SDK1: variants seen among roughly 807,000 people sequenced by gnomAD.
SDK1 encodes the protein protein sidekick-1.
Under a neutral mutation model 245.5 loss-of-function variants are expected in SDK1, and 157 were observed. The ratio of observed to expected loss-of-function variants is 0.64; its 90% CI spans 0.56 to 0.73. The LOEUF is 0.73. SDK1 is among the 30% of genes least tolerant of loss of function. SDK1 has a pLI of 0.00. For synonymous variants in SDK1, 1,647 were observed against 1,278.5 expected, an observed-to-expected ratio of 1.29 and a Z score of -6.15; for missense variants, 3,583 against 3,002.3, an observed-to-expected ratio of 1.19 and a Z score of -4.52.
intron 1 of SDK1, among the ~76,000 whole-genome samples, chr7:3,459,935 T>C (rs935349422): frequency 1.3e-5 from 2 of 152,224 alleles, no homozygotes; most frequent in African/African-American, 2.4e-5. Flanking sequence ...CTTTTAATTT[T>C]AAGAAACTTG....
At position 3,791,767 on chromosome 7, in the gene SDK1, A is replaced by T. The variant is rs182356652; in HGVS notation, c.714-29683A>T. ...GTTCGGAGAGTGCTCTATGGATGCCATTCTTTTCTGGGTCTTTTGGCCAGT... is the reference window on the plus strand; with the variant it reads ...GTTCGGAGAGTGCTCTATGGATGCCTTTCTTTTCTGGGTCTTTTGGCCAGT... On this transcript the variant is annotated intron_variant, in intron 4 of 44. Transcript: ENST00000404826. Among the ~76,000 whole-genome samples the T allele has an allele frequency of 9.5e-4, 144 of 152,218 alleles. 1 individual carries two copies. Among genetic ancestry groups the T allele is most frequent in the African/African-American group, 3.2e-3 (134 of 41,536 alleles).
At chr7:3,785,846 C>G (rs1381253831) in intron 4 of SDK1, among the ~76,000 whole-genome samples, 1 of 152,104 alleles carries the variant, frequency 6.6e-6, no homozygotes, top group African/African-American at 2.4e-5. Context: ...TGCTGTCAGT[C>G]ACATCATCAT....
intron 1 of SDK1, among the ~76,000 whole-genome samples, chr7:3,582,390 T>C (rs542573534): frequency 1.4e-5 from 2 of 145,474 alleles, no homozygotes; most frequent in South Asian, 4.5e-4. Context: ...CTCAGGTAGG[T>C]CTCCCTCAGG....
chr7:3,673,905 A>G (rs1783803418), intron 4 of SDK1, among the ~76,000 whole-genome samples: 1 of 152,234 alleles, frequency 6.6e-6, no homozygotes, highest in Admixed American at 6.5e-5. Flanking sequence ...AGTATTCTTA[A>G]ATATAAACCC....
At chr7:4,080,845 C>G (rs1485598567) in intron 22 of SDK1, among the ~76,000 whole-genome samples, 2 of 151,816 alleles carry the variant, frequency 1.3e-5, no homozygotes, top group African/African-American at 2.4e-5. Flanking sequence ...TACCCTAAAA[C>G]TTAAAGTATA....
intron 1 of SDK1, among the ~76,000 whole-genome samples, chr7:3,607,383 G>A (rs1781456732): frequency 6.6e-6 from 1 of 152,136 alleles, no homozygotes; most frequent in African/African-American, 2.4e-5. Context: ...AGAAATATGT[G>A]CGTTAGTAAA....
intron 20 of SDK1, among the ~76,000 whole-genome samples, chr7:4,070,242 C>G (rs1780162653): frequency 6.6e-6 from 1 of 152,220 alleles, no homozygotes; most frequent in African/African-American, 2.4e-5. Flanking sequence ...TGGGACTGCC[C>G]ACCTTCTCAG....
chr7:3,389,378 A>G (rs1436477726), intron 1 of SDK1, among the ~76,000 whole-genome samples: 1 of 152,150 alleles, frequency 6.6e-6, no homozygotes, highest in African/African-American at 2.4e-5. Flanking sequence ...GAAGACAACT[A>G]CGAGACATAA....
rs562530765 is a variant in SDK1, at chr7:4,144,603, G to T, written c.4229-1119G>T. On this transcript the variant is annotated intron_variant, in intron 28 of 44. Transcript: ENST00000404826. ...GGATGAGTGACAAGGCGCAGGAGCT[G>T]GGAGGATGCCTGTGAGCTCGGTCGT... 3.3e-5 allele frequency among the ~76,000 whole-genome samples: 5 copies of T among 152,178 alleles called. No homozygotes were observed. The South Asian group carries it at 1.0e-3, about 32-fold the overall frequency.
chr7:3,824,403 A>G lies in SDK1; in HGVS notation c.847+2820A>G, dbSNP rs570996058. Among the ~76,000 whole-genome samples the G allele has an allele frequency of 3.3e-5, 5 of 152,342 alleles. No individual in the cohort carries two copies. The South Asian group carries it at 1.0e-3, about 32-fold the overall frequency. ...TTTTTGCTTGCTGTCGGGAGAATAA[A>G]GCAGGGAACCTTTATGTAGTGAACA... On this transcript the variant is annotated intron_variant, in intron 5 of 44. Transcript: ENST00000404826.
At chr7:4,099,819 T>TGGGG (rs1782417318) in intron 22 of SDK1, among the ~76,000 whole-genome samples, 1 of 151,350 alleles carries the variant, frequency 6.6e-6, no homozygotes, top group African/African-American at 2.4e-5. Flanking sequence ...AGGCCATGCT[T>TGGGG]GGGGGCTGGC....
At chr7:3,829,801 G>A (rs1393875129) in intron 5 of SDK1, among the ~76,000 whole-genome samples, 1 of 152,156 alleles carries the variant, frequency 6.6e-6, no homozygotes. Context: ...AACCACTCCC[G>A]ATCAACATTC....
chr7:4,204,742 G>A (rs1052234318), intron 35 of SDK1, among the ~76,000 whole-genome samples: 5 of 152,208 alleles, frequency 3.3e-5, no homozygotes, highest in African/African-American at 1.2e-4. Context: ...TCTGCCTCCG[G>A]GAGCCAGGCC....
intron 19 of SDK1, among the ~76,000 whole-genome samples, chr7:4,059,822 G>T (rs1583979397): frequency 6.6e-6 from 1 of 151,902 alleles, no homozygotes; most frequent in Non-Finnish European, 1.5e-5. Flanking sequence ...AAATTAAATA[G>T]CATGCTCCTG....
At chr7:4,044,087 T>C (rs562570620) in intron 17 of SDK1, among the ~76,000 whole-genome samples, 2 of 152,354 alleles carry the variant, frequency 1.3e-5, no homozygotes, top group South Asian at 2.1e-4. Context: ...CACCTGTTTA[T>C]ATGTCATGAT....
intron 1 of SDK1, among the ~76,000 whole-genome samples, chr7:3,393,325 T>C (rs1256727634): frequency 1.3e-5 from 2 of 152,150 alleles, no homozygotes; most frequent in Non-Finnish European, 2.9e-5. Flanking sequence ...TTCAATCATA[T>C]GATAATTCTG....
chr7:4,056,068 G>T (rs1430643340), intron 19 of SDK1, among the ~76,000 whole-genome samples: 1 of 151,402 alleles, frequency 6.6e-6, no homozygotes, highest in Admixed American at 6.6e-5. Flanking sequence ...CTTGGTGAAT[G>T]TTCAATGAAT....
chr7:3,551,135 G>A (rs574512932), intron 1 of SDK1, among the ~76,000 whole-genome samples: 1 of 151,800 alleles, frequency 6.6e-6, no homozygotes, highest in Non-Finnish European at 1.5e-5. Flanking sequence ...TTTGTATTTT[G>A]TTTATTGTAA....
chr7:4,024,444 G>A (rs17265128), intron 17 of SDK1, among the ~76,000 whole-genome samples: 28,467 of 152,124 alleles, frequency 0.19, 3,004 homozygotes, highest in Middle Eastern at 0.25. Context: ...TTCTCCCAGC[G>A]TTGCCTAAAA....
Sources: allele counts gnomAD v4.1 joint callset (sites outside exome capture counted in the v4.1 genomes callset), GRCh38; gene constraint gnomAD v4.1.1; transcripts MANE v1.5; gene names NCBI Gene and HGNC (gene_info 2026-07-23, HGNC 2026-07-21).